Variants in SIPA1L1 observed in about 807,000 individuals in gnomAD.
The protein encoded by SIPA1L1 is signal induced proliferation associated 1 like 1, also known as signal-induced proliferation-associated 1-like protein 1.
In SIPA1L1, 26 loss-of-function variants were observed where a neutral mutation model predicts 162.7. That is an observed-to-expected ratio of 0.16 (90% CI 0.12 to 0.22). SIPA1L1 has a LOEUF of 0.22. Among genes scored for constraint, SIPA1L1 ranks in the 10% least tolerant of loss-of-function variants. SIPA1L1 has a pLI of 1.00. For synonymous variants in SIPA1L1, 829 were observed against 837.4 expected, an observed-to-expected ratio of 0.99 and a Z score of 0.17; for missense variants, 1,874 against 2,241.0, an observed-to-expected ratio of 0.84 and a Z score of 3.31.
chr14:71,458,941 T>C (rs2046380476), intron 2 of SIPA1L1, among the ~76,000 whole-genome samples: 1 of 151,984 alleles, frequency 6.6e-6, no homozygotes, highest in African/African-American at 2.4e-5. Flanking sequence ...GGCATGGTGG[T>C]GTGCTCCTGT....
At chr14:71,688,448 G>A (rs2081025390) in intron 13 of SIPA1L1, among the ~76,000 whole-genome samples, 1 of 152,200 alleles carries the variant, frequency 6.6e-6, no homozygotes, top group South Asian at 2.1e-4. Flanking sequence ...AATATTTGAG[G>A]ATAGAGCAGA....
chr14:71,656,198 G>A (rs2043040709), intron 8 of SIPA1L1, among the ~76,000 whole-genome samples: 1 of 152,180 alleles, frequency 6.6e-6, no homozygotes, highest in Non-Finnish European at 1.5e-5. Context: ...GAGACGTGGA[G>A]GACAGAGAGA....
intron 2 of SIPA1L1, among the ~76,000 whole-genome samples, chr14:71,479,188 C>G (rs1013119886): frequency 9.9e-5 from 15 of 152,134 alleles, no homozygotes; most frequent in Non-Finnish European, 1.8e-4. Flanking sequence ...AATCAGCCTG[C>G]TATCGTTTAC....
chr14:71,424,286 C>G (rs970569638), intron 2 of SIPA1L1, among the ~76,000 whole-genome samples: 1 of 152,072 alleles, frequency 6.6e-6, no homozygotes, highest in Admixed American at 6.5e-5. Context: ...CCTAAATGCT[C>G]TGGTGGAACT....
chr14:71,723,569 A>AC, intron 17 of SIPA1L1, 78 bp from the exon 18 acceptor site: 2 of 1,537,252 alleles, frequency 1.3e-6, no homozygotes, highest in South Asian at 2.3e-5. Context: ...CCCAGCCATC[A>AC]CCCGTACCCC....
At chr14:71,482,254 C>T (rs2048407803) in intron 2 of SIPA1L1, among the ~76,000 whole-genome samples, 1 of 152,134 alleles carries the variant, frequency 6.6e-6, no homozygotes, top group Non-Finnish European at 1.5e-5. Flanking sequence ...GGCTGTAGAG[C>T]CTTTGCTCTT....
At position 71,490,878 on chromosome 14, in the gene SIPA1L1, C is replaced by T. The variant is rs576975013; in HGVS notation, c.-464-21865C>T. 9.2e-5 allele frequency among the ~76,000 whole-genome samples: 14 copies of T among 152,190 alleles called. No homozygotes were observed. In the East Asian group the frequency reaches 1.9e-3, roughly 21 times the overall value. Reference sequence around the variant, plus strand: ...ACCTTAAGTTTTAGCTACCTGATATCGTACATACATCGTAGAGAACATTTT... The same window carrying T: ...ACCTTAAGTTTTAGCTACCTGATATTGTACATACATCGTAGAGAACATTTT... On this transcript the variant is annotated intron_variant, in intron 2 of 23. Coordinates refer to ENST00000381232, the MANE Select transcript of SIPA1L1 (RefSeq NM_001386936.1).
intron 7 of SIPA1L1, among the ~76,000 whole-genome samples, chr14:71,633,155 A>ATGTTATGTTATGTTC (rs1555488061): frequency 5.2e-4 from 65 of 126,110 alleles, no homozygotes; most frequent in Middle Eastern, 7.7e-3. Flanking sequence ...ATGTTATGTT[A>ATGTTATGTTATGTTC]TGTTCTGTTC....
chr14:71,403,117 C>G (rs978873791), intron 2 of SIPA1L1, among the ~76,000 whole-genome samples: 2 of 152,134 alleles, frequency 1.3e-5, no homozygotes, highest in Non-Finnish European at 2.9e-5. Context: ...GATCATCTGT[C>G]TCCATTCTTC....
intron 5 of SIPA1L1, among the ~76,000 whole-genome samples, chr14:71,604,813 CT>C (rs1353056175): frequency 6.6e-6 from 1 of 152,028 alleles, no homozygotes; most frequent in Non-Finnish European, 1.5e-5. Context: ...TTTTCTCTTG[CT>C]ATTTTTGTCT....
At chr14:71,490,832 T>G (rs1035652070) in intron 2 of SIPA1L1, among the ~76,000 whole-genome samples, 3 of 152,196 alleles carry the variant, frequency 2.0e-5, no homozygotes, top group Non-Finnish European at 4.4e-5. Flanking sequence ...CTATAAAAAG[T>G]AGAATTTCTT....
chr14:71,716,962 C>T (rs532630530), intron 17 of SIPA1L1, among the ~76,000 whole-genome samples: 53 of 152,344 alleles, frequency 3.5e-4, no homozygotes, highest in African/African-American at 1.1e-3. Context: ...TGCAGTAGCA[C>T]GATCTTGGCT....
intron 2 of SIPA1L1, among the ~76,000 whole-genome samples, chr14:71,322,620 A>G (rs2033199384): frequency 6.6e-6 from 1 of 152,254 alleles, no homozygotes; most frequent in African/African-American, 2.4e-5. Context: ...ATTATGCTAA[A>G]GCATTAACAA....
chr14:71,335,364 G>A (rs1388491133), intron 2 of SIPA1L1, among the ~76,000 whole-genome samples: 1 of 152,186 alleles, frequency 6.6e-6, no homozygotes, highest in Non-Finnish European at 1.5e-5. Context: ...TAATCCACAA[G>A]CAGTTTTGAA....
chr14:71,734,947 C>G (rs1267090865), intron 21 of SIPA1L1, among the ~76,000 whole-genome samples: 1 of 152,164 alleles, frequency 6.6e-6, no homozygotes, highest in Non-Finnish European at 1.5e-5. Context: ...GCATTTATTT[C>G]ATTGCTGAGT....
chr14:71,651,339 C>G (rs1235286433), intron 8 of SIPA1L1, among the ~76,000 whole-genome samples: 1 of 152,114 alleles, frequency 6.6e-6, no homozygotes, highest in South Asian at 2.1e-4. Context: ...AGTAATCTCT[C>G]TGATTTTCTG....
At chr14:71,345,426 A>G (rs1411641608) in intron 2 of SIPA1L1, among the ~76,000 whole-genome samples, 2 of 152,294 alleles carry the variant, frequency 1.3e-5, no homozygotes, top group South Asian at 4.1e-4. Flanking sequence ...CAAGTAACAG[A>G]AAGTTACAGC....
In SIPA1L1 at chr14:71,446,937, G is replaced by T. The variant is rs1287141642; in HGVS notation, c.-464-65806G>T. Among the ~76,000 whole-genome samples the T allele has an allele frequency of 4.2e-5, 3 of 71,834 alleles. 1 individual carries two copies. The highest frequency in any genetic ancestry group is 1.9e-4 in the African/African-American group (3 of 16,060). The allele number at this position is 71,834 out of a possible 152,430, so 47.1% of individuals were successfully genotyped here. On this transcript the variant is annotated intron_variant, in intron 2 of 23. Coordinates refer to ENST00000381232, the MANE Select transcript of SIPA1L1 (RefSeq NM_001386936.1). ...TTTTTTTTTTTTTTTTTTGAGACAG[G>T]CCCTTGCTTTGTTTCCCAGGCTGGA...
At chr14:71,367,248 G>T (rs1357872327) in intron 2 of SIPA1L1, among the ~76,000 whole-genome samples, 1 of 149,184 alleles carries the variant, frequency 6.7e-6, no homozygotes, top group African/African-American at 2.5e-5. Context: ...TTGGATGGAC[G>T]TTTAGCCTGT....
Sources: allele counts gnomAD v4.1 joint callset (sites outside exome capture counted in the v4.1 genomes callset), GRCh38; gene constraint gnomAD v4.1.1; transcripts MANE v1.5; gene names NCBI Gene and HGNC (gene_info 2026-07-23, HGNC 2026-07-21).